STEAP1B: variants seen among roughly 807,000 people sequenced by gnomAD.
STEAP1B encodes STEAP family protein MGC87042.
In STEAP1B, 13 loss-of-function variants were observed where a neutral mutation model predicts 27.9. That is an observed-to-expected ratio of 0.47 (90% CI 0.30 to 0.74). STEAP1B has a LOEUF of 0.74. Ranked by LOEUF, STEAP1B falls within the 30% of genes least tolerant of loss-of-function variation. The pLI is 0.06. For missense variants in STEAP1B, 250 were observed against 298.7 expected, an observed-to-expected ratio of 0.84 and a Z score of 1.20; for synonymous variants, 86 against 107.1, an observed-to-expected ratio of 0.80 and a Z score of 1.22.
At chr7:22,420,377 CCTTGGA>C (rs1785029724) in intron 4 of STEAP1B, among the ~76,000 whole-genome samples, 1 of 152,146 alleles carries the variant, frequency 6.6e-6, no homozygotes, top group Non-Finnish European at 1.5e-5. Context: ...TGGTGTTCTC[CCTTGGA>C]TTGTTGAAGT....
chr7:22,450,776 A>G (rs1785474663), intron 4 of STEAP1B, among the ~76,000 whole-genome samples: 1 of 152,218 alleles, frequency 6.6e-6, no homozygotes, highest in Non-Finnish European at 1.5e-5. Flanking sequence ...ATTCCTATCC[A>G]TGAACATTGA....
intron 4 of STEAP1B, among the ~76,000 whole-genome samples, chr7:22,454,866 T>TAAATATAAATATATATATGTATATATATA (rs58504014): frequency 3.5e-5 from 2 of 57,150 alleles, no homozygotes; most frequent in Non-Finnish European, 7.4e-5. Flanking sequence ...TATATATATA[T>TAAATATAAATATATATATGTATATATATA]TTTTTTTTTT....
chr7:22,490,195 A>G (rs1032541857), intron 4 of STEAP1B, among the ~76,000 whole-genome samples: 4 of 152,082 alleles, frequency 2.6e-5, no homozygotes, highest in African/African-American at 9.7e-5. Context: ...TAAAAAACTG[A>G]CAATTATATC....
At chr7:22,456,889 G>A (rs1449387947) in intron 4 of STEAP1B, among the ~76,000 whole-genome samples, 7 of 145,978 alleles carry the variant, frequency 4.8e-5, no homozygotes, top group African/African-American at 1.3e-4. Flanking sequence ...GCCCAGCTGC[G>A]TGTAAGATTC....
At chr7:22,458,353 A>C (rs1785622297) in intron 4 of STEAP1B, among the ~76,000 whole-genome samples, 1 of 152,200 alleles carries the variant, frequency 6.6e-6, no homozygotes, top group African/African-American at 2.4e-5. Context: ...GAGCCAGAGA[A>C]GATTGTAACC....
chr7:22,455,694 G>A (rs1785566727), intron 4 of STEAP1B, among the ~76,000 whole-genome samples: 1 of 152,158 alleles, frequency 6.6e-6, no homozygotes, highest in Admixed American at 6.5e-5. Context: ...TACATTCACA[G>A]AGGCAGAAGA....
chr7:22,470,918 C>A (rs1010873551), intron 4 of STEAP1B, among the ~76,000 whole-genome samples: 7 of 152,140 alleles, frequency 4.6e-5, no homozygotes, highest in Non-Finnish European at 7.4e-5. Flanking sequence ...CCCTCATAAT[C>A]CCTTACTCTA....
chr7:22,458,445 C>A (rs1403598240), intron 4 of STEAP1B, among the ~76,000 whole-genome samples: 1 of 151,986 alleles, frequency 6.6e-6, no homozygotes, highest in Non-Finnish European at 1.5e-5. Context: ...CTTATACTGG[C>A]TTGCGAGATC....
intron 4 of STEAP1B, among the ~76,000 whole-genome samples, chr7:22,484,082 G>C (rs371110738): frequency 6.6e-6 from 1 of 152,204 alleles, no homozygotes; most frequent in Non-Finnish European, 1.5e-5. Context: ...TCTCCATAAC[G>C]TAGAAGTGCA....
At chr7:22,455,718 T>C (rs1785567128) in intron 4 of STEAP1B, among the ~76,000 whole-genome samples, 1 of 152,264 alleles carries the variant, frequency 6.6e-6, no homozygotes, top group Admixed American at 6.5e-5. Flanking sequence ...AAATACTGTG[T>C]CTTCCAATGT....
intron 4 of STEAP1B, among the ~76,000 whole-genome samples, chr7:22,470,520 C>T (rs918947635): frequency 6.6e-6 from 1 of 152,090 alleles, no homozygotes; most frequent in Admixed American, 6.5e-5. Context: ...GCAGTAATCC[C>T]AGCACTTTGG....
At chr7:22,488,983 C>T (rs1786270507) in intron 4 of STEAP1B, among the ~76,000 whole-genome samples, 1 of 152,152 alleles carries the variant, frequency 6.6e-6, no homozygotes, top group African/African-American at 2.4e-5. Flanking sequence ...GATGCAGTAC[C>T]CTTGGATAAG....
At chr7:22,461,019 C>T (rs1195813953) in intron 4 of STEAP1B, among the ~76,000 whole-genome samples, 1 of 152,100 alleles carries the variant, frequency 6.6e-6, no homozygotes, top group East Asian at 1.9e-4. Context: ...ACACAGGAGG[C>T]CCAACATTTG....
In STEAP1B at chr7:22,477,451, G is replaced by A. The variant is rs751951171; in HGVS notation, c.762+15114C>T. 3.3e-5 allele frequency among the ~76,000 whole-genome samples: 5 copies of A among 152,070 alleles called. No individual in the cohort carries two copies. The East Asian group carries it at 9.6e-4, about 29-fold the overall frequency. On this transcript the variant is annotated intron_variant, in intron 4 of 4. Transcript: ENST00000678116. The stretch of plus-strand genomic sequence containing the variant: ...ATATTATCTAACCACTGAGGAAACA[G>A]ATTCTGAGAAAGGTTAAGTGTCTTG...
At chr7:22,445,434 C>A (rs917062717) in intron 4 of STEAP1B, among the ~76,000 whole-genome samples, 14 of 152,266 alleles carry the variant, frequency 9.2e-5, no homozygotes, top group Admixed American at 9.2e-4. Context: ...GTCAGCCAGT[C>A]GTGCTGGGAT....
chr7:22,487,214 G>A (rs988018422), intron 4 of STEAP1B, among the ~76,000 whole-genome samples: 1 of 151,924 alleles, frequency 6.6e-6, no homozygotes, highest in Non-Finnish European at 1.5e-5. Context: ...CAGAAGGATC[G>A]CTTGAGCCCA....
chr7:22,472,181 A>G (rs985992462), intron 4 of STEAP1B, among the ~76,000 whole-genome samples: 1 of 152,238 alleles, frequency 6.6e-6, no homozygotes, highest in Admixed American at 6.5e-5. Context: ...TCCAGACATT[A>G]GGCCAACTTA....
At chr7:22,494,632 T>C in intron 2 of STEAP1B, 140 bp downstream of exon 2, 1 of 566,378 alleles carries the variant, frequency 1.8e-6, no homozygotes, top group Non-Finnish European at 3.0e-6. Flanking sequence ...CTTCACAGTA[T>C]CAGTGACAGT....
At position 22,453,406 on chromosome 7, in the gene STEAP1B, A is replaced by G. The variant is rs1189537271; in HGVS notation, c.763-33570T>C. Among the ~76,000 whole-genome samples, 4 of 3,096 alleles carry G rather than the reference A, an allele frequency of 1.3e-3. No homozygotes were observed. The Admixed American group carries it at 0.034, about 27-fold the overall frequency. 2.0% of individuals were successfully genotyped at this position (3,096 alleles called of 152,430 possible). A position where few individuals can be genotyped will look rare whatever the true frequency, so the allele number is the denominator to read the frequency against. On this transcript the variant is annotated intron_variant, in intron 4 of 4. Coordinates refer to ENST00000678116, the MANE Select transcript of STEAP1B (RefSeq NM_001382447.1). Reference sequence around the variant, plus strand: ...GCATTTCCCCCTGAACTCTACAGAGACCCCTTTGCAGTCATTGGCCTCAGG... The same window carrying G: ...GCATTTCCCCCTGAACTCTACAGAGGCCCCTTTGCAGTCATTGGCCTCAGG...
Sources: gnomAD v4.1 joint callset for allele counts (sites outside exome capture counted in the v4.1 genomes callset) on GRCh38, gnomAD v4.1.1 for gene constraint, MANE v1.5 for transcripts, NCBI Gene and HGNC (gene_info 2026-07-23, HGNC 2026-07-21) for gene names.